Variants in CERK observed in about 807,000 individuals in gnomAD.
The protein encoded by CERK is acylsphingosine kinase.
Under a neutral mutation model 63.4 loss-of-function variants are expected in CERK, and 39 were observed. The observed-to-expected ratio is 0.61, with a 90% CI of 0.48 to 0.80. The LOEUF is 0.80. Among genes scored for constraint, CERK ranks in the 30% least tolerant of loss-of-function variants. CERK has a pLI of 0.00. For synonymous variants in CERK, 302 were observed against 280.0 expected (o/e 1.08, Z -0.78); for missense variants, 670 against 714.1 (o/e 0.94, Z 0.70).
intron 5 of CERK, among the ~76,000 whole-genome samples, chr22:46,708,451 T>C (rs2082824692): frequency 6.6e-6 from 1 of 152,242 alleles, no homozygotes; most frequent in African/African-American, 2.4e-5. Context: ...GCAGCCTTGC[T>C]CTGTCCCGTC....
At chr22:46,718,108 A>G (rs545151776) in intron 3 of CERK, among the ~76,000 whole-genome samples, 2 of 152,250 alleles carry the variant, frequency 1.3e-5, no homozygotes, top group South Asian at 2.1e-4. Flanking sequence ...AAAAAAACCC[A>G]CTAAAACAGA....
At chr22:46,723,106 T>C (rs1357841337) in intron 1 of CERK, among the ~76,000 whole-genome samples, 1 of 152,138 alleles carries the variant, frequency 6.6e-6, no homozygotes, top group Non-Finnish European at 1.5e-5. Flanking sequence ...CGCCCTGGGG[T>C]GAATCCAGGC....
Position 46,690,107 on chromosome 22 carries a change from C to G in CERK, c.1426G>C (p.Gly476Arg), listed in dbSNP as rs1401320054. ...CAAATGTGCCCAAAGCGCTTCTTCC[C>G]CCCCTCCTTGAGGTCGCTGTCCTCA... ...EDEDSDLKEGGKKRFGHICSS... is the reference protein window; with the variant it reads ...EDEDSDLKEGRKKRFGHICSS... Residue 476 changes from glycine (G) to arginine (R), a missense_variant, in exon 12 of 13, where the codon GGG becomes CGG. Physicochemically the swap from Gly to Arg is moderately radical, Grantham distance 125. Transcript: ENST00000216264. 1.2e-6 allele frequency: 2 copies of G among 1,613,980 alleles called. No homozygotes were observed. Among genetic ancestry groups the G allele is most frequent in the Non-Finnish European group, 1.7e-6 (2 of 1,180,040 alleles).
At chr22:46,704,869 A>G (rs5769096) in intron 6 of CERK, among the ~76,000 whole-genome samples, 10,167 of 151,034 alleles carry the variant, frequency 0.067, 714 homozygotes, top group East Asian at 0.35. Flanking sequence ...TTGCTTCCCC[A>G]TGAGAACATG....
chr22:46,717,247 A>G (rs1480265415), intron 3 of CERK, among the ~76,000 whole-genome samples: 1 of 152,198 alleles, frequency 6.6e-6, no homozygotes, highest in Admixed American at 6.5e-5. Context: ...CACATGCAAC[A>G]AACACCTACA....
At chr22:46,713,399 C>T (rs530143005) in intron 3 of CERK, among the ~76,000 whole-genome samples, 22 of 148,030 alleles carry the variant, frequency 1.5e-4, no homozygotes, top group African/African-American at 5.2e-4. Flanking sequence ...GTCCCAGCTA[C>T]TTGGGAGGCT....
intron 1 of CERK, chr22:46,735,423 T>G (rs1238207645): frequency 6.6e-6 from 1 of 152,306 alleles, no homozygotes; most frequent in Non-Finnish European, 1.5e-5. Flanking sequence ...CGTGCCTGGG[T>G]TCAAAGCCAG....
intron 3 of CERK, among the ~76,000 whole-genome samples, chr22:46,718,365 G>A (rs2082876171): frequency 6.6e-6 from 1 of 152,182 alleles, no homozygotes; most frequent in Non-Finnish European, 1.5e-5. Context: ...GAGAAAGCAG[G>A]ACGGACGGAA....
chr22:46,708,724 A>G (rs567119692), intron 5 of CERK, among the ~76,000 whole-genome samples: 126 of 152,320 alleles, frequency 8.3e-4, no homozygotes, highest in African/African-American at 2.8e-3. Context: ...AGGTGCAGGC[A>G]TGGAGACAGA....
intron 9 of CERK, chr22:46,693,746 G>A (rs565174096): frequency 6.3e-5 from 28 of 445,298 alleles, no homozygotes; most frequent in Admixed American, 3.2e-4. Context: ...GCATGAGGAC[G>A]CTGAGGTGCC....
rs140975174 is a variant in CERK, at chr22:46,686,942, A to G, written c.*192T>C. On this transcript the variant is annotated 3_prime_UTR_variant, in exon 13 of 13. Transcript: ENST00000216264. The stretch of plus-strand genomic sequence containing the variant: ...GTAAGCGGCGTGGGCTGCAACCCGC[A>G]GATGCGTACAGAACTGAAAATGCCA... The G allele has an allele frequency of 0.011, 5,946 of 562,116 alleles. 58 individuals are homozygous for G. Among genetic ancestry groups the G allele is most frequent in the Non-Finnish European group, 0.015 (4,630 of 316,798 alleles). The allele number at this position is 562,116 out of a possible 1,614,324, so 34.8% of individuals were successfully genotyped here.
chr22:46,726,356 G>A (rs1005920224), intron 1 of CERK, among the ~76,000 whole-genome samples: 4 of 152,312 alleles, frequency 2.6e-5, no homozygotes, highest in African/African-American at 7.2e-5. Flanking sequence ...GCAGGCCGCT[G>A]CCCACTGCGC....
Position 46,707,976 on chromosome 22 carries a change from G to A in CERK, c.582C>T (p.Val194=), listed in dbSNP as rs573452221. Reference sequence around the variant, plus strand: ...CCTCGCTGAACATACCATCTCCGCCGACACAGACGATGCTGCAGGAGGAAC... The same window carrying A: ...CCTCGCTGAACATACCATCTCCGCCAACACAGACGATGCTGCAGGAGGAAC... ...NIDKYDGIVC[V]GGDGMFSEVL... is the part of the protein sequence containing the mutation. The change falls in exon 6 of 13, where the codon GTC becomes GTT. Residue 194 remains valine (V), a synonymous_variant. Transcript: ENST00000216264. 919 of 1,607,988 alleles carry A rather than the reference G, an allele frequency of 5.7e-4. 15 individuals carry two copies. The South Asian group carries it at 8.7e-3, about 15-fold the overall frequency.
intron 1 of CERK, among the ~76,000 whole-genome samples, chr22:46,726,484 G>A (rs901536268): frequency 2.0e-5 from 3 of 152,142 alleles, no homozygotes; most frequent in African/African-American, 7.2e-5. Context: ...TGCCCGGCCC[G>A]CTTAGAGTCC....
In CERK at chr22:46,691,572, C is replaced by A. The variant is rs1247011695; in HGVS notation, c.1332G>T (p.Gln444His). The A allele has an allele frequency of 2.5e-6, 4 of 1,613,204 alleles. No individual in the cohort carries two copies. Among genetic ancestry groups the A allele is most frequent in the Non-Finnish European group, 3.4e-6 (4 of 1,179,724 alleles). Residue 444 changes from glutamine (Q) to histidine (H), a missense_variant and splice_region_variant, in exon 11 of 13, where the codon CAG (glutamine) becomes CAT (histidine). Coordinates refer to ENST00000216264, the MANE Select transcript of CERK (RefSeq NM_022766.6). ...CTCCATGCAAGAGCACCCCACTTAC[C>A]TGGTCCTGCTGGTTGGTGTGCCTGA... ...FLIRHTNQQD[Q>H]FDFTFVEVYR...
At chr22:46,735,999 T>C (rs1358035710) in intron 1 of CERK, among the ~76,000 whole-genome samples, 1 of 152,224 alleles carries the variant, frequency 6.6e-6, no homozygotes, top group Non-Finnish European at 1.5e-5. Context: ...GGCAGGCTGC[T>C]TCCTGGAGGA....
chr22:46,715,954 G>C (rs2082864143), intron 3 of CERK, among the ~76,000 whole-genome samples: 1 of 152,158 alleles, frequency 6.6e-6, no homozygotes, highest in South Asian at 2.1e-4. Flanking sequence ...GGGAGGCTGA[G>C]GTGGGAGGAT....
At chr22:46,721,174 A>G (rs975478804) in intron 1 of CERK, among the ~76,000 whole-genome samples, 159 bp from the exon 2 acceptor site, 5 of 152,076 alleles carry the variant, frequency 3.3e-5, no homozygotes, top group Non-Finnish European at 7.4e-5. Flanking sequence ...GCACTTTGGG[A>G]GGCTGAGGAG....
rs191141862 is a variant in CERK at position 46,720,896 on chromosome 22, T to C, written c.256+6A>G. 477 of 1,545,348 alleles carry C rather than the reference T, an allele frequency of 3.1e-4. 3 individuals carry two copies. In the African/African-American group the frequency reaches 5.9e-3, roughly 19 times the overall value. ...GAATGTGGGAGAAGACATTTAGGCT[T>C]ATCACCTGTAAAAGCGTAAGGCTTT... On this transcript the variant is annotated splice_donor_region_variant and intron_variant, in intron 2 of 12. Transcript: ENST00000216264.
Sources: allele counts gnomAD v4.1 joint callset (sites outside exome capture counted in the v4.1 genomes callset), GRCh38; gene constraint gnomAD v4.1.1; transcripts MANE v1.5; gene names NCBI Gene and HGNC (gene_info 2026-07-23, HGNC 2026-07-21).